PCDH9: variants seen among roughly 807,000 people sequenced by gnomAD.
The protein encoded by PCDH9 is protocadherin-9.
A neutral mutation model predicts 70.6 loss-of-function variants in PCDH9; 24 were observed. That is an observed-to-expected ratio of 0.34 (90% CI 0.25 to 0.48). The LOEUF is 0.48. Ranked by LOEUF, PCDH9 falls within the 20% of genes least tolerant of loss-of-function variation. PCDH9 has a pLI of 0.99. For synonymous variants in PCDH9, 562 were observed against 558.5 expected (o/e 1.01, Z -0.09); for missense variants, 1,281 against 1,503.6 (o/e 0.85, Z 2.45).
At chr13:67,107,198 T>G (rs1281106424) in intron 2 of PCDH9, among the ~76,000 whole-genome samples, 1 of 151,338 alleles carries the variant, frequency 6.6e-6, no homozygotes, top group Non-Finnish European at 1.5e-5. Context: ...GATCTGCCCA[T>G]GGCCACCCAT....
Position 66,553,847 on chromosome 13 carries a change from A to G in PCDH9, c.3340+77363T>C, listed in dbSNP as rs185762578. On this transcript the variant is annotated intron_variant, in intron 4 of 4. Transcript: ENST00000377865. ...ATTTTAATAATAAAATTCCAAAAGA[A>G]CTATTTAATCTTAGTTTCATAAAGT... 4.6e-5 allele frequency among the ~76,000 whole-genome samples: 7 copies of G among 152,340 alleles called. No individual in the cohort carries two copies. In the East Asian group the frequency reaches 9.6e-4, roughly 21 times the overall value.
At chr13:67,043,543 A>G (rs1230119056) in intron 2 of PCDH9, among the ~76,000 whole-genome samples, 1 of 152,170 alleles carries the variant, frequency 6.6e-6, no homozygotes, top group Non-Finnish European at 1.5e-5. Context: ...AATGTGATAA[A>G]ATTATAGGGT....
At chr13:67,100,652 C>T (rs542455175) in intron 2 of PCDH9, among the ~76,000 whole-genome samples, 18 of 152,284 alleles carry the variant, frequency 1.2e-4, no homozygotes, top group African/African-American at 2.4e-4. Flanking sequence ...CCAAAAAGAT[C>T]GTGCATTGCT....
intron 3 of PCDH9, among the ~76,000 whole-genome samples, chr13:66,706,674 A>G (rs767320443): frequency 6.6e-6 from 1 of 152,248 alleles, no homozygotes; most frequent in Non-Finnish European, 1.5e-5. Flanking sequence ...GTGACTGAGA[A>G]GCTAAGAGGG....
At chr13:66,406,778 C>A (rs1957288052) in intron 4 of PCDH9, among the ~76,000 whole-genome samples, 1 of 152,082 alleles carries the variant, frequency 6.6e-6, no homozygotes, top group South Asian at 2.1e-4. Context: ...CTAAAACAAC[C>A]ATAGAAATTA....
chr13:66,413,492 C>T (rs571605106), intron 4 of PCDH9, among the ~76,000 whole-genome samples: 2 of 152,110 alleles, frequency 1.3e-5, no homozygotes, highest in Non-Finnish European at 2.9e-5. Flanking sequence ...CGAGACCATC[C>T]TGGCTAACAC....
intron 3 of PCDH9, among the ~76,000 whole-genome samples, chr13:66,761,730 A>G (rs932404305): frequency 3.9e-5 from 6 of 152,144 alleles, no homozygotes; most frequent in Non-Finnish European, 8.8e-5. Context: ...ATATAAATAA[A>G]TAGCTCTGTT....
intron 2 of PCDH9, among the ~76,000 whole-genome samples, chr13:67,003,878 G>T (rs749852177): frequency 6.6e-6 from 1 of 152,138 alleles, no homozygotes; most frequent in Non-Finnish European, 1.5e-5. Flanking sequence ...TCCTTAAAAG[G>T]TATATCTGTC....
At chr13:66,606,860 A>G (rs1453222690) in intron 4 of PCDH9, among the ~76,000 whole-genome samples, 1 of 152,170 alleles carries the variant, frequency 6.6e-6, no homozygotes, top group Non-Finnish European at 1.5e-5. Flanking sequence ...AGCAAATGTT[A>G]AAAGGAAATC....
intron 3 of PCDH9, among the ~76,000 whole-genome samples, chr13:66,647,725 A>G (rs1401186208): frequency 6.6e-6 from 1 of 152,170 alleles, no homozygotes; most frequent in Non-Finnish European, 1.5e-5. Flanking sequence ...GCTCAACCAC[A>G]GTAGGATAAA....
chr13:67,082,305 G>T (rs531956891), intron 2 of PCDH9, among the ~76,000 whole-genome samples: 16 of 152,072 alleles, frequency 1.1e-4, no homozygotes, highest in Non-Finnish European at 2.2e-4. Flanking sequence ...TTATGAATTC[G>T]ACTCTTGGAT....
intron 2 of PCDH9, among the ~76,000 whole-genome samples, chr13:67,100,578 G>A (rs999860653): frequency 1.5e-4 from 23 of 152,134 alleles, no homozygotes; most frequent in Non-Finnish European, 2.5e-4. Flanking sequence ...AGAAACTGAA[G>A]AAATAAGCAC....
chr13:67,027,220 T>C (rs534824996), intron 2 of PCDH9, among the ~76,000 whole-genome samples: 3 of 151,940 alleles, frequency 2.0e-5, no homozygotes, highest in Admixed American at 6.6e-5. Flanking sequence ...AACAGAGATA[T>C]AGATCAACGG....
chr13:67,033,559 G>A (rs1444541323), intron 2 of PCDH9, among the ~76,000 whole-genome samples: 1 of 152,048 alleles, frequency 6.6e-6, no homozygotes, highest in African/African-American at 2.4e-5. Context: ...GTGTCTTTCT[G>A]CCTGGAATGA....
chr13:67,171,068 C>T (rs187651241), intron 2 of PCDH9, among the ~76,000 whole-genome samples: 1 of 152,276 alleles, frequency 6.6e-6, no homozygotes, highest in African/African-American at 2.4e-5. Flanking sequence ...GCCGAAATGA[C>T]TTCTATCTCC....
intron 4 of PCDH9, among the ~76,000 whole-genome samples, chr13:66,475,478 C>T (rs1958706669): frequency 6.6e-6 from 1 of 152,012 alleles, no homozygotes; most frequent in South Asian, 2.1e-4. Context: ...TAAGAACTTA[C>T]CCCTTCTGAG....
chr13:66,448,636 CAG>C (rs1176304542), intron 4 of PCDH9, among the ~76,000 whole-genome samples: 1 of 151,998 alleles, frequency 6.6e-6, no homozygotes, highest in Non-Finnish European at 1.5e-5. Flanking sequence ...GAAATTGGGA[CAG>C]AGACTTAATT....
intron 2 of PCDH9, among the ~76,000 whole-genome samples, chr13:67,090,852 C>T (rs1280097222): frequency 3.9e-5 from 6 of 151,928 alleles, no homozygotes; most frequent in East Asian, 3.9e-4. Context: ...GATGAAGAAA[C>T]GGTGTCGCAG....
chr13:66,555,320 T>C (rs1025491919), intron 4 of PCDH9, among the ~76,000 whole-genome samples: 1 of 151,970 alleles, frequency 6.6e-6, no homozygotes, highest in Non-Finnish European at 1.5e-5. Context: ...TTCTCTAATA[T>C]AATTAATGGA....
Sources: allele counts gnomAD v4.1 joint callset (sites outside exome capture counted in the v4.1 genomes callset), GRCh38; gene constraint gnomAD v4.1.1; transcripts MANE v1.5; gene names NCBI Gene and HGNC (gene_info 2026-07-23, HGNC 2026-07-21).